Variants in PLPP1 observed in about 807,000 individuals in gnomAD.
PLPP1 encodes phospholipid phosphatase 1.
A neutral mutation model predicts 31.2 loss-of-function variants in PLPP1; 24 were observed. The ratio of observed to expected loss-of-function variants is 0.77; its 90% CI spans 0.56 to 1.08. The LOEUF is 1.08. Among genes scored for constraint, PLPP1 ranks in the 50% least tolerant of loss-of-function variants. The pLI is 0.00. For missense variants in PLPP1, 319 were observed against 342.7 expected (o/e 0.93, Z 0.55); for synonymous variants, 146 against 126.3 (o/e 1.16, Z -1.05).
chr5:55,470,104 T>C (rs1335875280), intron 2 of PLPP1, among the ~76,000 whole-genome samples: 1 of 152,208 alleles, frequency 6.6e-6, no homozygotes, highest in African/African-American at 2.4e-5. Context: ...TCCAAGAATG[T>C]CATTCCTTTA....
At chr5:55,492,842 A>C (rs1021126958) in intron 1 of PLPP1, among the ~76,000 whole-genome samples, 49 of 152,242 alleles carry the variant, frequency 3.2e-4, no homozygotes, top group African/African-American at 1.2e-3. Context: ...TGCTGAAACT[A>C]GGAAGTGGTG....
At chr5:55,459,205 T>C (rs1197802410) in intron 3 of PLPP1, among the ~76,000 whole-genome samples, 1 of 151,470 alleles carries the variant, frequency 6.6e-6, no homozygotes, top group Non-Finnish European at 1.5e-5. Flanking sequence ...AAGAAATACA[T>C]TGATACCAAA....
At chr5:55,427,769 C>CT (rs959238350) in intron 4 of PLPP1, among the ~76,000 whole-genome samples, 18 of 135,810 alleles carry the variant, frequency 1.3e-4, no homozygotes, top group Non-Finnish European at 1.9e-4. Flanking sequence ...AGCTCCAACA[C>CT]TTTTTTGGGG....
Position 55,534,848 on chromosome 5 carries a change from C to G in PLPP1, c.-219G>C. Reference sequence around the variant, plus strand: ...CCTCCCCTCACAGCCCCCGCGAACACTCGGTTAGTGCCGAGGCGCTCGTGT... The same window carrying G: ...CCTCCCCTCACAGCCCCCGCGAACAGTCGGTTAGTGCCGAGGCGCTCGTGT... On this transcript the variant is annotated 5_prime_UTR_variant, in exon 1 of 6. Coordinates refer to ENST00000307259, the MANE Select transcript of PLPP1 (RefSeq NM_003711.4). The G allele has an allele frequency of 3.7e-6, 2 of 535,514 alleles. No individual in the cohort carries two copies. The highest frequency in any genetic ancestry group is 4.0e-5 in the Admixed American group (1 of 25,108). The allele number at this position is 535,514 out of a possible 1,614,324, so 33.2% of individuals were successfully genotyped here.
intron 3 of PLPP1, among the ~76,000 whole-genome samples, chr5:55,462,236 A>C (rs1287080841): frequency 6.6e-6 from 1 of 152,236 alleles, no homozygotes; most frequent in Non-Finnish European, 1.5e-5. Context: ...AAAGCTTCCC[A>C]TTACACCTCA....
In PLPP1 at chr5:55,534,887, G is replaced by A. The variant is rs1740831524; in HGVS notation, c.-258C>T. 6.1e-6 allele frequency: 3 copies of A among 489,448 alleles called. No individual in the cohort carries two copies. The highest frequency in any genetic ancestry group is 1.1e-5 in the Non-Finnish European group (3 of 277,964). 30.3% of individuals were successfully genotyped at this position (489,448 alleles called of 1,614,324 possible). A position where few individuals can be genotyped will look rare whatever the true frequency, so the allele number is the denominator to read the frequency against. ...AGGCGCTCGTGTGCCAGCCGCGGCAGCTCTGTAGCCTCAGGACCTCCTCAG... is the reference window on the plus strand; with the variant it reads ...AGGCGCTCGTGTGCCAGCCGCGGCAACTCTGTAGCCTCAGGACCTCCTCAG... On this transcript the variant is annotated 5_prime_UTR_variant, in exon 1 of 6. Coordinates refer to ENST00000307259, the MANE Select transcript of PLPP1 (RefSeq NM_003711.4).
At chr5:55,514,827 AGAT>A (rs1303472830) in intron 1 of PLPP1, among the ~76,000 whole-genome samples, 3 of 152,248 alleles carry the variant, frequency 2.0e-5, no homozygotes, top group African/African-American at 7.2e-5. Flanking sequence ...ACAAAAGATA[AGAT>A]GAAGAAGGAA....
chr5:55,511,441 T>C (rs530896222), intron 1 of PLPP1, among the ~76,000 whole-genome samples: 43 of 152,162 alleles, frequency 2.8e-4, no homozygotes, highest in Admixed American at 5.2e-4. Context: ...TTACAAAATA[T>C]ATGTATACAT....
At chr5:55,497,275 T>C (rs558435190) in intron 1 of PLPP1, among the ~76,000 whole-genome samples, 3 of 152,288 alleles carry the variant, frequency 2.0e-5, no homozygotes, top group Admixed American at 1.3e-4. Flanking sequence ...AGACTGGGTC[T>C]TACTCTGTCA....
intron 1 of PLPP1, among the ~76,000 whole-genome samples, chr5:55,502,983 G>A (rs950772968): frequency 6.6e-6 from 1 of 152,116 alleles, no homozygotes; most frequent in Non-Finnish European, 1.5e-5. Flanking sequence ...GTATGACTGG[G>A]TACCCTCCTA....
chr5:55,473,261 C>T lies in PLPP1; in HGVS notation c.210+2038G>A, dbSNP rs189456669. Reference sequence around the variant, plus strand: ...AAGAATACCTGATTTCCTAAAACTTCCCCGTACTTTGGGAGAGTCACCAAC... The same window carrying T: ...AAGAATACCTGATTTCCTAAAACTTTCCCGTACTTTGGGAGAGTCACCAAC... On this transcript the variant is annotated intron_variant, in intron 2 of 5. Transcript: ENST00000307259. 3.1e-3 allele frequency among the ~76,000 whole-genome samples: 477 copies of T among 152,264 alleles called. 2 individuals are homozygous for T. The highest frequency in any genetic ancestry group is 2.7e-3 in the Non-Finnish European group (181 of 68,026).
chr5:55,431,610 C>A (rs230738), intron 4 of PLPP1, among the ~76,000 whole-genome samples: 132,308 of 152,082 alleles, frequency 0.87, 57,798 homozygotes, highest in South Asian at 0.92. Flanking sequence ...CGAAACCCAA[C>A]AACAATGCTA....
chr5:55,484,161 A>C (rs1415478116), intron 1 of PLPP1, among the ~76,000 whole-genome samples: 1 of 152,142 alleles, frequency 6.6e-6, no homozygotes, highest in Non-Finnish European at 1.5e-5. Flanking sequence ...CAGCTAAGCA[A>C]GAAGCCCCTC....
At chr5:55,495,287 A>C (rs1360144814) in intron 1 of PLPP1, among the ~76,000 whole-genome samples, 2 of 152,212 alleles carry the variant, frequency 1.3e-5, no homozygotes, top group African/African-American at 4.8e-5. Flanking sequence ...TCAAGACTAA[A>C]AGAAACAAAG....
intron 3 of PLPP1, among the ~76,000 whole-genome samples, chr5:55,444,373 GC>G (rs1751703948): frequency 1.3e-5 from 2 of 152,094 alleles, no homozygotes; most frequent in African/African-American, 4.8e-5. Flanking sequence ...GAGCCACCGC[GC>G]CCGGCCCCAA....
At chr5:55,485,435 A>G (rs752978799) in intron 1 of PLPP1, among the ~76,000 whole-genome samples, 3 of 152,142 alleles carry the variant, frequency 2.0e-5, no homozygotes, top group Non-Finnish European at 4.4e-5. Context: ...GTGAAGTTTG[A>G]TTTACTGTGA....
intron 1 of PLPP1, among the ~76,000 whole-genome samples, chr5:55,506,246 C>G (rs1359282817): frequency 1.7e-5 from 2 of 119,268 alleles, no homozygotes; most frequent in Non-Finnish European, 3.5e-5. Flanking sequence ...AAAGAAGACA[C>G]AAATACAGCA....
At chr5:55,525,926 T>G (rs1404702601) in intron 1 of PLPP1, among the ~76,000 whole-genome samples, 4 of 152,064 alleles carry the variant, frequency 2.6e-5, no homozygotes. Flanking sequence ...TTGTACAGAC[T>G]GTATGTTTCC....
At chr5:55,452,078 A>T (rs1037918362) in intron 3 of PLPP1, among the ~76,000 whole-genome samples, 2 of 152,170 alleles carry the variant, frequency 1.3e-5, no homozygotes, top group African/African-American at 4.8e-5. Context: ...CAAAGAGTAA[A>T]CACACTCTTC....
Sources: allele counts gnomAD v4.1 joint callset (sites outside exome capture counted in the v4.1 genomes callset), GRCh38; gene constraint gnomAD v4.1.1; transcripts MANE v1.5; gene names NCBI Gene and HGNC (gene_info 2026-07-23, HGNC 2026-07-21).